Variants in RB1 observed in about 807,000 individuals in gnomAD.
RB1 encodes RB transcriptional corepressor 1, also known as retinoblastoma-associated protein.
A neutral mutation model predicts 135.4 loss-of-function variants in RB1; 18 were observed. The observed-to-expected ratio is 0.13, with a 90% CI of 0.09 to 0.20. The LOEUF (loss-of-function observed/expected upper bound fraction) is 0.20. Ranked by LOEUF, RB1 falls within the 10% of genes least tolerant of loss-of-function variation. The pLI, the probability that RB1 is intolerant of heterozygous loss-of-function variation, is 1.00. For synonymous variants in RB1, 365 were observed against 373.2 expected (o/e 0.98, Z 0.25); for missense variants, 868 against 1,110.0 (o/e 0.78, Z 3.10).
chr13:48,332,087 AC>A (rs1952342286), intron 2 of RB1, among the ~76,000 whole-genome samples: 1 of 152,218 alleles, frequency 6.6e-6, no homozygotes, highest in Non-Finnish European at 1.5e-5. Flanking sequence ...TTGCAAGAAC[AC>A]GGATGAACCC....
intron 17 of RB1, chr13:48,417,098 A>G (rs998830554): frequency 2.6e-5 from 4 of 152,384 alleles, no homozygotes; most frequent in African/African-American, 9.6e-5. Flanking sequence ...TGCCTCCTCA[A>G]GTGGGTCTCT....
chr13:48,384,905 T>C (rs1566200862), intron 17 of RB1, among the ~76,000 whole-genome samples: 1 of 152,150 alleles, frequency 6.6e-6, no homozygotes, highest in Non-Finnish European at 1.5e-5. Context: ...TAGTGAAATC[T>C]CATTCTCTGA....
intron 17 of RB1, among the ~76,000 whole-genome samples, chr13:48,396,232 C>T (rs556724539): frequency 5.3e-5 from 8 of 152,146 alleles, no homozygotes; most frequent in Admixed American, 1.3e-4. Context: ...CATCACGCTA[C>T]TTGACTTCAA....
At chr13:48,439,784 G>A (rs1949218513) in intron 17 of RB1, 1 of 151,988 alleles carries the variant, frequency 6.6e-6, no homozygotes, top group East Asian at 1.9e-4. Context: ...TAGGCTTTGG[G>A]GAAGGTTTGA....
rs1379010085 is a variant in RB1 at position 48,377,173 on chromosome 13, T to C, written c.1332+139T>C. ...TCAGATACTATATCCCTGCTGCCTG[T>C]GTATGCTGCTATTTATGGGTAACTT... On this transcript the variant is annotated intron_variant, in intron 13 of 26. Transcript: ENST00000267163. The C allele has an allele frequency of 5.7e-6, 5 of 870,486 alleles. No individual in the cohort carries two copies. The Admixed American group carries it at 1.1e-4, about 19-fold the overall frequency. 53.9% of individuals were successfully genotyped at this position (870,486 alleles called of 1,614,324 possible). A position where few individuals can be genotyped will look rare whatever the true frequency, so the allele number is the denominator to read the frequency against.
At chr13:48,451,264 G>A (rs1337616481) in intron 17 of RB1, among the ~76,000 whole-genome samples, 2 of 152,130 alleles carry the variant, frequency 1.3e-5, no homozygotes, top group Non-Finnish European at 2.9e-5. Flanking sequence ...TATGTTGGCT[G>A]TGGATTTGTC....
intron 6 of RB1, among the ~76,000 whole-genome samples, chr13:48,356,785 G>A (rs910867774): frequency 2.0e-5 from 3 of 151,884 alleles, no homozygotes; most frequent in African/African-American, 7.2e-5. Context: ...TTAGCTGGCT[G>A]TATTTTACAA....
chr13:48,342,779 C>A, intron 3 of RB1, 65 bp downstream of exon 3: 3 of 1,148,630 alleles, frequency 2.6e-6, no homozygotes, highest in African/African-American at 1.5e-5. Context: ...ATTTTCCTCT[C>A]AATAGACTTT....
intron 11 of RB1, among the ~76,000 whole-genome samples, chr13:48,372,809 T>G (rs1952774939): frequency 6.6e-6 from 1 of 152,162 alleles, no homozygotes; most frequent in Admixed American, 6.5e-5. Flanking sequence ...GTGTCCCAAA[T>G]GTTCAGCTAC....
intron 6 of RB1, among the ~76,000 whole-genome samples, chr13:48,355,669 A>T (rs1952583666): frequency 6.6e-6 from 1 of 152,158 alleles, no homozygotes; most frequent in Admixed American, 6.6e-5. Context: ...AAAGCAACCT[A>T]AGTGTCCATC....
chr13:48,441,047 A>G (rs963564371), intron 17 of RB1, among the ~76,000 whole-genome samples: 2 of 152,186 alleles, frequency 1.3e-5, no homozygotes, highest in African/African-American at 4.8e-5. Flanking sequence ...ATTACACTGG[A>G]TCTGTTCAGT....
In RB1 at chr13:48,466,738, G is replaced by T. The variant is rs1251903847; in HGVS notation, c.2489+1370G>T. Among the ~76,000 whole-genome samples, 922 of 95,024 alleles carry T rather than the reference G, an allele frequency of 9.7e-3. 17 individuals carry two copies. The highest frequency in any genetic ancestry group is 0.03 in the African/African-American group (816 of 27,196). 62.3% of individuals were successfully genotyped at this position (95,024 alleles called of 152,430 possible). ...AGGAGCTGATGGAGCTGAAAACCAA[G>T]GCTCGAGAACTACGTGAAGAATGCA... On this transcript the variant is annotated intron_variant, in intron 23 of 26. Coordinates refer to ENST00000267163, the MANE Select transcript of RB1 (RefSeq NM_000321.3).
At position 48,456,331 on chromosome 13, in the gene RB1, T is replaced by A. The variant is rs2138331591; in HGVS notation, c.1942T>A (p.Ser648Thr). The change falls in exon 19 of 27, where the codon TCA becomes ACA. Residue 648 changes from serine to threonine, a missense_variant. Transcript: ENST00000267163. ...TQKPLKSTSL[S>T]LFYKKVYRLA... ...GAAGCCATTGAAATCTACCTCTCTT[T>A]CACTGTTTTATAAAAAAGGTTAGTA... 4 of 1,614,170 alleles carry A rather than the reference T, an allele frequency of 2.5e-6. No individual in the cohort carries two copies. In the South Asian group the frequency reaches 3.3e-5, roughly 13 times the overall value.
chr13:48,412,828 A>G (rs1948840343), intron 17 of RB1: 1 of 217,192 alleles, frequency 4.6e-6, no homozygotes. Context: ...TGAATACTCC[A>G]AAGTTAATGT....
intron 11 of RB1, among the ~76,000 whole-genome samples, chr13:48,369,642 G>A (rs1952737941): frequency 6.6e-6 from 1 of 152,006 alleles, no homozygotes; most frequent in African/African-American, 2.4e-5. Flanking sequence ...CCACACTTTG[G>A]CCTTCTCTGT....
At chr13:48,453,608 A>G (rs1446089231) in intron 18 of RB1, among the ~76,000 whole-genome samples, 1 of 152,174 alleles carries the variant, frequency 6.6e-6, no homozygotes, top group Non-Finnish European at 1.5e-5. Context: ...ACCCAAATGT[A>G]TCTGAAACAG....
chr13:48,368,733 TG>T, intron 11 of RB1, 129 bp downstream of exon 11: 1 of 1,351,106 alleles, frequency 7.4e-7, no homozygotes, highest in South Asian at 1.4e-5. Context: ...AGGCCAGGTG[TG>T]GTGGATCACA....
rs553094345 is a variant in RB1, at chr13:48,464,958, C to CTTTTTTTTTTTTTTTTT, written c.2212-32_2212-16dup. The CTTTTTTTTTTTTTTTTT allele has an allele frequency of 1.8e-4, 150 of 832,624 alleles. 2 individuals are homozygous for CTTTTTTTTTTTTTTTTT. The highest frequency in any genetic ancestry group is 7.2e-4 in the South Asian group (36 of 50,032). The allele number at this position is 832,624 out of a possible 1,614,324, so 51.6% of individuals were successfully genotyped here. A position where few individuals can be genotyped will look rare whatever the true frequency, so the allele number is the denominator to read the frequency against. ...AAATTCATTTAACAAGTAAATTTTA[C>CTTTTTTTTTTTTTTTTT]TTTTTTTTTTTTTTTTTTTTTTTTA... On this transcript the variant is annotated intron_variant, in intron 21 of 26. Coordinates refer to ENST00000267163, the MANE Select transcript of RB1 (RefSeq NM_000321.3).
rs1304775415 is a variant in RB1 at position 48,304,041 on chromosome 13, T to A, written c.129T>A (p.Pro43=). 6 of 1,452,434 alleles carry A rather than the reference T, an allele frequency of 4.1e-6. No homozygotes were observed. The highest frequency in any genetic ancestry group is 2.7e-6 in the Non-Finnish European group (3 of 1,110,898). 90.0% of individuals were successfully genotyped at this position (1,452,434 alleles called of 1,614,324 possible). A position where few individuals can be genotyped will look rare whatever the true frequency, so the allele number is the denominator to read the frequency against. The change falls in exon 1 of 27, where the codon CCT becomes CCA. Residue 43 remains proline, a synonymous_variant. Coordinates refer to ENST00000267163, the MANE Select transcript of RB1 (RefSeq NM_000321.3). ...AGGACAGCGGCCCGGAGGACCTGCC[T>A]CTCGTCAGGTGAGCGAGCAGAGCCG... ...PEQDSGPEDL[P]LVRLEFEETE... is the part of the protein sequence containing the mutation.
Sources: gnomAD v4.1 joint callset for allele counts (sites outside exome capture counted in the v4.1 genomes callset) on GRCh38, gnomAD v4.1.1 for gene constraint, MANE v1.5 for transcripts, NCBI Gene and HGNC (gene_info 2026-07-23, HGNC 2026-07-21) for gene names.